The following IMMP2L variants were observed in gnomAD, a reference collection of about 807,000 sequenced individuals.
The protein encoded by IMMP2L is mitochondrial inner membrane protease subunit 2.
IMMP2L carries 18 observed loss-of-function variants against 19.3 expected under a neutral mutation model. The observed-to-expected ratio is 0.93, with a 90% CI of 0.64 to 1.38. The LOEUF is 1.38. Ranked by LOEUF, IMMP2L falls within the 40% of genes most tolerant of loss-of-function variation. The pLI is 0.00. For synonymous variants in IMMP2L, 76 were observed against 73.0 expected, an observed-to-expected ratio of 1.04 and a Z score of -0.21; for missense variants, 233 against 218.2, an observed-to-expected ratio of 1.07 and a Z score of -0.43.
At chr7:110,902,966 C>T (rs997835188) in intron 4 of IMMP2L, among the ~76,000 whole-genome samples, 17 of 148,876 alleles carry the variant, frequency 1.1e-4, no homozygotes, top group Non-Finnish European at 1.9e-4. Flanking sequence ...AGAGTACAGA[C>T]TCTATTTTGT....
chr7:110,986,859 C>T (rs1214099161), intron 3 of IMMP2L, among the ~76,000 whole-genome samples: 3 of 151,704 alleles, frequency 2.0e-5, no homozygotes, highest in African/African-American at 7.3e-5. Flanking sequence ...AAGAAAACAC[C>T]CAAACACCCC....
At chr7:110,869,269 G>C (rs1808307359) in intron 5 of IMMP2L, among the ~76,000 whole-genome samples, 2 of 152,004 alleles carry the variant, frequency 1.3e-5, no homozygotes, top group Non-Finnish European at 2.9e-5. Flanking sequence ...TGTAAATTCA[G>C]ATTATTTGAA....
intron 3 of IMMP2L, among the ~76,000 whole-genome samples, chr7:111,433,492 G>A (rs571305170): frequency 5.9e-5 from 9 of 151,782 alleles, no homozygotes; most frequent in African/African-American, 2.2e-4. Flanking sequence ...ATCAGATCCT[G>A]TGAGAGTTAT....
chr7:111,134,568 TATCTC>T (rs1377810857), intron 3 of IMMP2L, among the ~76,000 whole-genome samples: 1 of 152,086 alleles, frequency 6.6e-6, no homozygotes, highest in African/African-American at 2.4e-5. Context: ...AGTATTAACT[TATCTC>T]TTCTGTTATG....
chr7:110,896,837 C>A (rs1024307792), intron 4 of IMMP2L, among the ~76,000 whole-genome samples: 1 of 151,704 alleles, frequency 6.6e-6, no homozygotes, highest in African/African-American at 2.4e-5. Flanking sequence ...GACAAGGTCT[C>A]GCTTCGTTGC....
chr7:110,902,049 A>C (rs1391611711), intron 4 of IMMP2L, among the ~76,000 whole-genome samples: 1 of 152,144 alleles, frequency 6.6e-6, no homozygotes, highest in South Asian at 2.1e-4. Context: ...GGTAATTTTA[A>C]CATGATTAGT....
chr7:111,042,502 G>A (rs867292327), intron 3 of IMMP2L, among the ~76,000 whole-genome samples: 5 of 152,150 alleles, frequency 3.3e-5, no homozygotes, highest in Admixed American at 6.5e-5. Context: ...ATTTTATCTT[G>A]TGCAAGGGTT....
intron 4 of IMMP2L, among the ~76,000 whole-genome samples, chr7:110,952,434 A>G (rs1337458926): frequency 3.9e-5 from 6 of 152,170 alleles, no homozygotes; most frequent in Non-Finnish European, 8.8e-5. Context: ...GGGTTAATAC[A>G]CAAATGCACT....
At chr7:111,377,425 A>G (rs1830780926) in intron 3 of IMMP2L, among the ~76,000 whole-genome samples, 1 of 151,950 alleles carries the variant, frequency 6.6e-6, no homozygotes, top group Non-Finnish European at 1.5e-5. Flanking sequence ...GCTCTATAGT[A>G]TAGTATCCCT....
intron 3 of IMMP2L, among the ~76,000 whole-genome samples, chr7:111,233,597 A>T (rs1813954460): frequency 6.6e-6 from 1 of 152,118 alleles, no homozygotes; most frequent in Non-Finnish European, 1.5e-5. Flanking sequence ...CAGGGAGTAA[A>T]TGTTATTAAT....
chr7:111,232,613 A>G (rs1442461110), intron 3 of IMMP2L, among the ~76,000 whole-genome samples: 1 of 152,026 alleles, frequency 6.6e-6, no homozygotes, highest in African/African-American at 2.4e-5. Flanking sequence ...ATCAAAAGAG[A>G]ATTAACCAAT....
At chr7:110,672,625 G>A (rs1403318676) in intron 5 of IMMP2L, among the ~76,000 whole-genome samples, 1 of 152,198 alleles carries the variant, frequency 6.6e-6, no homozygotes, top group Non-Finnish European at 1.5e-5. Context: ...GATGCAATGA[G>A]GGTACAGGCA....
chr7:111,234,562 A>T (rs146716392), intron 3 of IMMP2L, among the ~76,000 whole-genome samples: 2 of 152,196 alleles, frequency 1.3e-5, no homozygotes, highest in African/African-American at 4.8e-5. Context: ...CCCTGGATAT[A>T]TACAATCATG....
intron 3 of IMMP2L, among the ~76,000 whole-genome samples, chr7:111,311,145 A>G (rs1001611464): frequency 2.0e-5 from 3 of 152,154 alleles, no homozygotes; most frequent in African/African-American, 4.8e-5. Flanking sequence ...CAGAAAGCCA[A>G]TATGGACATT....
At chr7:111,204,565 T>TA (rs1217293248) in intron 3 of IMMP2L, among the ~76,000 whole-genome samples, 1 of 152,122 alleles carries the variant, frequency 6.6e-6, no homozygotes, top group African/African-American at 2.4e-5. Context: ...TCTTTTCCCA[T>TA]AAAAATTCTG....
At chr7:110,948,144 T>C (rs976982675) in intron 4 of IMMP2L, among the ~76,000 whole-genome samples, 2 of 152,162 alleles carry the variant, frequency 1.3e-5, no homozygotes, top group Admixed American at 1.3e-4. Flanking sequence ...CAGACTCTCA[T>C]GCAAGATTAC....
At position 111,465,876 on chromosome 7, in the gene IMMP2L, G is replaced by A. The variant is rs551649189; in HGVS notation, c.239+21362C>T. The stretch of plus-strand genomic sequence containing the variant: ...TGCTGCTATAAAGACACATGCACAC[G>A]TATGTTTATTGCGGCACTATTCACA... On this transcript the variant is annotated intron_variant, in intron 3 of 5. Coordinates refer to ENST00000405709, the MANE Select transcript of IMMP2L (RefSeq NM_032549.4). Among the ~76,000 whole-genome samples, 88 of 152,220 alleles carry A rather than the reference G, an allele frequency of 5.8e-4. 2 individuals carry two copies. Among genetic ancestry groups the A allele is most frequent in the African/African-American group, 2.0e-3 (81 of 41,534 alleles).
chr7:111,128,102 A>G (rs1801492444), intron 3 of IMMP2L, among the ~76,000 whole-genome samples: 1 of 152,152 alleles, frequency 6.6e-6, no homozygotes, highest in South Asian at 2.1e-4. Flanking sequence ...TTAGACAAAA[A>G]GTTTTTAAGT....
chr7:111,079,163 GCTGGAGTGCAGT>G (rs1795670445), intron 3 of IMMP2L, among the ~76,000 whole-genome samples: 1 of 150,284 alleles, frequency 6.7e-6, no homozygotes. Context: ...TGTCGCCCAG[GCTGGAGTGCAGT>G]GGCGGGATCT....
Sources: gnomAD v4.1 joint callset for allele counts (sites outside exome capture counted in the v4.1 genomes callset) on GRCh38, gnomAD v4.1.1 for gene constraint, MANE v1.5 for transcripts, NCBI Gene and HGNC (gene_info 2026-07-23, HGNC 2026-07-21) for gene names.